The following ASAP1 variants were observed in gnomAD, a reference collection of about 807,000 sequenced individuals.
ASAP1 encodes the protein arf-GAP with SH3 domain, ANK repeat and PH domain-containing protein 1.
Under a neutral mutation model 145.2 loss-of-function variants are expected in ASAP1, and 43 were observed. That is an observed-to-expected ratio of 0.30 (90% CI 0.23 to 0.38). ASAP1 has a LOEUF of 0.38. ASAP1 is among the 10% of genes least tolerant of loss of function. The probability of loss-of-function intolerance (pLI) is 1.00; values close to 1 mark genes in which losing one functional copy is unlikely to be tolerated. For missense variants in ASAP1, 1,018 were observed against 1,355.3 expected (o/e 0.75, Z 3.91); for synonymous variants, 546 against 515.5 (o/e 1.06, Z -0.80).
chr8:130,247,201 C>T (rs1818903600), intron 3 of ASAP1, among the ~76,000 whole-genome samples: 2 of 150,148 alleles, frequency 1.3e-5, no homozygotes, highest in South Asian at 4.2e-4. Context: ...TCTTTTCCTC[C>T]TTTCCCCAAT....
intron 5 of ASAP1, among the ~76,000 whole-genome samples, chr8:130,202,731 G>T (rs963234902): frequency 1.3e-5 from 2 of 152,178 alleles, no homozygotes; most frequent in Admixed American, 1.3e-4. Context: ...GTGAATGAAT[G>T]AATCTGCCTC....
intron 12 of ASAP1, among the ~76,000 whole-genome samples, chr8:130,159,633 T>C (rs575565919): frequency 6.6e-6 from 1 of 151,686 alleles, no homozygotes; most frequent in South Asian, 2.1e-4. Context: ...AGTAGCTGCC[T>C]TCCTATAATT....
At chr8:130,090,976 T>C (rs768138517) in intron 25 of ASAP1, among the ~76,000 whole-genome samples, 1 of 152,206 alleles carries the variant, frequency 6.6e-6, no homozygotes, top group Non-Finnish European at 1.5e-5. Flanking sequence ...AAAGCTTCTG[T>C]GAGTGTCTGT....
chr8:130,262,433 A>G (rs1819983994), intron 3 of ASAP1, among the ~76,000 whole-genome samples: 3 of 128,618 alleles, frequency 2.3e-5, no homozygotes, highest in Admixed American at 7.7e-5. Flanking sequence ...AGAGAGAGAG[A>G]GAGAGAGAGA....
chr8:130,304,758 C>T (rs1372382431), intron 3 of ASAP1, among the ~76,000 whole-genome samples: 1 of 152,202 alleles, frequency 6.6e-6, no homozygotes, highest in Non-Finnish European at 1.5e-5. Flanking sequence ...ACCTCATACT[C>T]TCACAATCTA....
intron 24 of ASAP1, among the ~76,000 whole-genome samples, chr8:130,104,203 A>T (rs1391747806): frequency 6.6e-6 from 1 of 152,222 alleles, no homozygotes; most frequent in African/African-American, 2.4e-5. Flanking sequence ...TCTAATTAGG[A>T]ATAAATAGTA....
At chr8:130,190,513 A>ATTTATTTTTATT (rs369851080) in intron 5 of ASAP1, among the ~76,000 whole-genome samples, 1 of 151,816 alleles carries the variant, frequency 6.6e-6, no homozygotes, top group South Asian at 2.1e-4. Flanking sequence ...TGATTTATGC[A>ATTTATTTTTATT]TTTATTTTTA....
intron 25 of ASAP1, among the ~76,000 whole-genome samples, chr8:130,080,873 T>A (rs2097478181): frequency 1.3e-5 from 2 of 152,214 alleles, no homozygotes; most frequent in Admixed American, 1.3e-4. Flanking sequence ...CCTCCGGTGA[T>A]CCACCTGCCT....
At chr8:130,257,829 A>C (rs1187503915) in intron 3 of ASAP1, among the ~76,000 whole-genome samples, 1 of 143,062 alleles carries the variant, frequency 7.0e-6, no homozygotes, top group Non-Finnish European at 1.5e-5. Context: ...TAATCTCAGA[A>C]GTAGTTCTCC....
At chr8:130,196,527 A>C (rs1371964466) in intron 5 of ASAP1, among the ~76,000 whole-genome samples, 1 of 152,218 alleles carries the variant, frequency 6.6e-6, no homozygotes, top group Non-Finnish European at 1.5e-5. Context: ...GTCAGTCAGC[A>C]GGGCCTCGTT....
chr8:130,099,182 T>TC (rs914792798), intron 24 of ASAP1, among the ~76,000 whole-genome samples: 72 of 146,566 alleles, frequency 4.9e-4, no homozygotes, highest in Admixed American at 8.2e-4. Flanking sequence ...CCTAGCTAAT[T>TC]TTTTTTTTTT....
rs762289902 is a variant in ASAP1, at chr8:130,058,003, A to T, written c.3266T>A (p.Ile1089Asn). Residue 1089 changes from isoleucine to asparagine, a missense_variant, in exon 29 of 30, where the codon ATC (isoleucine) becomes AAC (asparagine). Transcript: ENST00000518721. ...TGTGACGATAATCACTTCTCCCTCG[A>T]TGAATGTGAGCTCGTCATCGTTGTC... ...QADNDDELTFIEGEVIIVTGE... is the reference protein window; with the variant it reads ...QADNDDELTFNEGEVIIVTGE... 3 of 1,614,216 alleles carry T rather than the reference A, an allele frequency of 1.9e-6. No homozygotes were observed. The Admixed American group carries it at 5.0e-5, about 27-fold the overall frequency.
chr8:130,430,357 T>C (rs1830095396), intron 1 of ASAP1, among the ~76,000 whole-genome samples: 1 of 152,148 alleles, frequency 6.6e-6, no homozygotes, highest in Non-Finnish European at 1.5e-5. Flanking sequence ...CTTTAATGTA[T>C]TTTTTTACTC....
chr8:130,065,015 C>A (rs758114246), intron 27 of ASAP1, among the ~76,000 whole-genome samples: 3 of 151,778 alleles, frequency 2.0e-5, no homozygotes, highest in Admixed American at 6.6e-5. Context: ...GCTAGGACTA[C>A]AGGCCTGTGT....
At chr8:130,297,335 A>T (rs1280154573) in intron 3 of ASAP1, among the ~76,000 whole-genome samples, 1 of 152,172 alleles carries the variant, frequency 6.6e-6, no homozygotes, top group African/African-American at 2.4e-5. Flanking sequence ...CTTCCTTATA[A>T]GTAGGTTTTG....
chr8:130,375,759 A>G (rs983514014), intron 2 of ASAP1, among the ~76,000 whole-genome samples: 10 of 152,184 alleles, frequency 6.6e-5, no homozygotes, highest in African/African-American at 2.2e-4. Flanking sequence ...TGTGAGTGGC[A>G]TAAGATGTTC....
intron 24 of ASAP1, among the ~76,000 whole-genome samples, chr8:130,094,946 C>T (rs939707332): frequency 1.3e-5 from 2 of 152,182 alleles, no homozygotes; most frequent in African/African-American, 4.8e-5. Flanking sequence ...AGACAAAATG[C>T]TAATGGAGCC....
chr8:130,283,587 GAAAAAA>G (rs71304303), intron 3 of ASAP1, among the ~76,000 whole-genome samples: 3 of 20,850 alleles, frequency 1.4e-4, no homozygotes, highest in East Asian at 1.6e-3. Flanking sequence ...ATCACAGAAA[GAAAAAA>G]AAAAAAAAAA....
intron 3 of ASAP1, among the ~76,000 whole-genome samples, chr8:130,269,424 T>C (rs1157067615): frequency 1.3e-5 from 2 of 152,198 alleles, no homozygotes; most frequent in Non-Finnish European, 2.9e-5. Flanking sequence ...GTCCTGAGAA[T>C]ACAGATAGTG....
Sources: allele counts gnomAD v4.1 joint callset (sites outside exome capture counted in the v4.1 genomes callset), GRCh38; gene constraint gnomAD v4.1.1; transcripts MANE v1.5; gene names NCBI Gene and HGNC (gene_info 2026-07-23, HGNC 2026-07-21).